FLOT2: variants seen among roughly 807,000 people sequenced by gnomAD.
FLOT2 encodes flotillin 2, also known as flotillin-2.
Under a neutral mutation model 54.9 loss-of-function variants are expected in FLOT2, and 35 were observed. The ratio of observed to expected loss-of-function variants is 0.64; its 90% CI spans 0.49 to 0.84. The LOEUF (loss-of-function observed/expected upper bound fraction) is 0.84, where lower values mean the gene tolerates loss of function less well. Ranked by LOEUF, FLOT2 falls within the 40% of genes least tolerant of loss-of-function variation. The probability of loss-of-function intolerance (pLI) is 0.00; values close to 1 mark genes in which losing one functional copy is unlikely to be tolerated. For synonymous variants in FLOT2, 207 were observed against 228.9 expected (o/e 0.90, Z 0.86); for missense variants, 464 against 572.1 (o/e 0.81, Z 1.93).
chr17:28,884,923 T>G lies in FLOT2; in HGVS notation c.132-608A>C, dbSNP rs1219680803. Among the ~76,000 whole-genome samples the G allele has an allele frequency of 6.6e-6, 1 of 152,180 alleles. No individual in the cohort carries two copies. Among genetic ancestry groups the G allele is most frequent in the East Asian group, 1.9e-4 (1 of 5,196 alleles). Reference sequence around the variant, plus strand: ...TTTGACTTGAAACCCATGTCTGGTATTAGGCCCAGGTGGGTCACATGGGGA... The same window carrying G: ...TTTGACTTGAAACCCATGTCTGGTAGTAGGCCCAGGTGGGTCACATGGGGA... On this transcript the variant is annotated intron_variant, in intron 2 of 10. Transcript: ENST00000394908. This position sits in a 1 kb window ranked among gnomAD's most constrained non-coding sequence, Gnocchi z 5.1.
chr17:28,881,422 C>A (rs754320207), intron 8 of FLOT2, 47 bp from the exon 9 acceptor site: 7 of 1,578,720 alleles, frequency 4.4e-6, no homozygotes, highest in Non-Finnish European at 6.0e-6. Flanking sequence ...TACCAGGGTC[C>A]TCTCAAGCCT....
intron 2 of FLOT2, among the ~76,000 whole-genome samples, chr17:28,886,312 AT>A (rs915936059): frequency 1.3e-5 from 2 of 152,222 alleles, no homozygotes; most frequent in African/African-American, 4.8e-5. Flanking sequence ...TCCTGTCGCA[AT>A]CTGGGAGACT....
chr17:28,882,045 T>A lies in FLOT2; in HGVS notation c.700-17A>T. The A allele has an allele frequency of 2.5e-6, 4 of 1,614,084 alleles. No individual in the cohort carries two copies. Among genetic ancestry groups the A allele is most frequent in the Non-Finnish European group, 3.4e-6 (4 of 1,179,982 alleles). ...CTCAGCTGTCTGTGGCAAGAGGGTG[T>A]GTGGCACATTAGAGGCTGGTCACCA... On this transcript the variant is annotated splice_polypyrimidine_tract_variant and intron_variant, in intron 7 of 10. Coordinates refer to ENST00000394908, the MANE Select transcript of FLOT2 (RefSeq NM_004475.3). This position sits in a 1 kb window ranked among gnomAD's most constrained non-coding sequence, Gnocchi z 5.6.
intron 2 of FLOT2, chr17:28,885,514 G>C: frequency 2.8e-6 from 2 of 705,436 alleles, no homozygotes. Flanking sequence ...ACACATGACA[G>C]AGTAAGCATT....
In FLOT2 at chr17:28,880,980, T is replaced by G. The variant is rs576664805; in HGVS notation, c.1099-118A>C. 10 of 1,340,112 alleles carry G rather than the reference T, an allele frequency of 7.5e-6. No homozygotes were observed. The African/African-American group carries it at 1.4e-4, about 19-fold the overall frequency. 83.0% of individuals were successfully genotyped at this position (1,340,112 alleles called of 1,614,324 possible). On this transcript the variant is annotated intron_variant, in intron 9 of 10. Coordinates refer to ENST00000394908, the MANE Select transcript of FLOT2 (RefSeq NM_004475.3). ...AACCCCAAAGCAGCCTGGGTGGCCC[T>G]TAGTCTCGAGCCATGGTAAGAGACG...
chr17:28,882,745 A>G lies in FLOT2; in HGVS notation c.347-54T>C. The G allele has an allele frequency of 5.8e-6, 7 of 1,204,234 alleles. No individual in the cohort carries two copies. Among genetic ancestry groups the G allele is most frequent in the Non-Finnish European group, 8.6e-6 (7 of 812,112 alleles). The allele number at this position is 1,204,234 out of a possible 1,614,324, so 74.6% of individuals were successfully genotyped here. A position where few individuals can be genotyped will look rare whatever the true frequency, so the allele number is the denominator to read the frequency against. ...CCCCAGGGACCCAGCCAGCTGGGGA[A>G]GGGAGGAGGCATGCATGTAGAGGTA... On this transcript the variant is annotated intron_variant, in intron 4 of 10. Coordinates refer to ENST00000394908, the MANE Select transcript of FLOT2 (RefSeq NM_004475.3). This position sits in a 1 kb window ranked among gnomAD's most constrained non-coding sequence, Gnocchi z 5.6.
intron 1 of FLOT2, among the ~76,000 whole-genome samples, chr17:28,895,394 G>C (rs942247492): frequency 6.6e-6 from 1 of 150,916 alleles, no homozygotes; most frequent in East Asian, 1.9e-4. Flanking sequence ...TTTTTTTTGA[G>C]ATGCTTACAA....
intron 8 of FLOT2, 124 bp from the exon 9 acceptor site, chr17:28,881,499 C>A: frequency 9.5e-7 from 1 of 1,047,184 alleles, no homozygotes; most frequent in East Asian, 2.4e-5. Context: ...GACATTGGAA[C>A]GGAGTGGGGT....
In FLOT2 at chr17:28,880,460, A is replaced by G. The variant is rs926017340; in HGVS notation, c.*101T>C. 129 of 1,541,214 alleles carry G rather than the reference A, an allele frequency of 8.4e-5. No homozygotes were observed. Among genetic ancestry groups the G allele is most frequent in the Non-Finnish European group, 1.1e-4 (124 of 1,143,846 alleles). On this transcript the variant is annotated 3_prime_UTR_variant, in exon 11 of 11. Coordinates refer to ENST00000394908, the MANE Select transcript of FLOT2 (RefSeq NM_004475.3). ...GCAGCACTTCTGGTCCCTTCGAGAT[A>G]AGGCACCAGAGTCAGTAACGTTCCC... is the stretch of plus-strand genomic sequence containing the variant.
At chr17:28,895,992 G>A (rs1309994868) in intron 1 of FLOT2, among the ~76,000 whole-genome samples, 7 of 152,072 alleles carry the variant, frequency 4.6e-5, no homozygotes, top group Admixed American at 4.6e-4. Flanking sequence ...ACACAAGAGG[G>A]AGCTGGATCT....
chr17:28,882,295 G>T lies in FLOT2; in HGVS notation c.579+42C>A. The T allele has an allele frequency of 6.2e-7, 1 of 1,613,914 alleles. No homozygotes were observed. The highest frequency in any genetic ancestry group is 8.5e-7 in the Non-Finnish European group (1 of 1,179,910). On this transcript the variant is annotated intron_variant, in intron 6 of 10. Coordinates refer to ENST00000394908, the MANE Select transcript of FLOT2 (RefSeq NM_004475.3). This position sits in a 1 kb window ranked among gnomAD's most constrained non-coding sequence, Gnocchi z 5.6. ...GTGAGTAGAGGTCCTGAGTCATCATGGTCCCATCACCCCTGAGCTTCCCAT... is the reference window on the plus strand; with the variant it reads ...GTGAGTAGAGGTCCTGAGTCATCATTGTCCCATCACCCCTGAGCTTCCCAT...
intron 9 of FLOT2, 34 bp downstream of exon 9, chr17:28,881,158 T>G (rs1386331205): frequency 1.9e-6 from 3 of 1,594,470 alleles, no homozygotes; most frequent in Admixed American, 1.7e-5. Flanking sequence ...CAAGGACACT[T>G]GAACCCTAGG....
chr17:28,891,627 A>G (rs1349042750), intron 1 of FLOT2, among the ~76,000 whole-genome samples: 1 of 152,198 alleles, frequency 6.6e-6, no homozygotes, highest in Non-Finnish European at 1.5e-5. Context: ...CTAGCAACAT[A>G]TGACTGTTGT....
At position 28,897,512 on chromosome 17, in the gene FLOT2, C is replaced by T. The variant is rs930031230; in HGVS notation, c.49+14G>A. 8.7e-6 allele frequency: 14 copies of T among 1,602,988 alleles called. No homozygotes were observed. Among genetic ancestry groups the T allele is most frequent in the Non-Finnish European group, 1.2e-5 (14 of 1,175,004 alleles). On this transcript the variant is annotated intron_variant, in intron 1 of 10. Transcript: ENST00000394908. This position sits in a 1 kb window ranked among gnomAD's most constrained non-coding sequence, Gnocchi z 4.4. ...CACCCTCCACAGCTCCCACCTTCCTCGCCGCCCCCTCACCTGAAACCACCA... is the reference window on the plus strand; with the variant it reads ...CACCCTCCACAGCTCCCACCTTCCTTGCCGCCCCCTCACCTGAAACCACCA...
rs1482872935 is a variant in FLOT2, at chr17:28,880,408, G to GA, written c.*152dup. On this transcript the variant is annotated 3_prime_UTR_variant, in exon 11 of 11. Coordinates refer to ENST00000394908, the MANE Select transcript of FLOT2 (RefSeq NM_004475.3). ...GGAGGTGGACAGACAGGAGAGACAGGAAGACAGCCAGAGATGGCCTGAACA... is the reference window on the plus strand; with the variant it reads ...GGAGGTGGACAGACAGGAGAGACAGGAAAGACAGCCAGAGATGGCCTGAACA... 1 of 1,496,674 alleles carries GA rather than the reference G, an allele frequency of 6.7e-7. No homozygotes were observed. Among genetic ancestry groups the GA allele is most frequent in the East Asian group, 2.3e-5 (1 of 43,138 alleles). The allele number at this position is 1,496,674 out of a possible 1,614,324, so 92.7% of individuals were successfully genotyped here. A position where few individuals can be genotyped will look rare whatever the true frequency, so the allele number is the denominator to read the frequency against.
chr17:28,881,107 C>A, intron 9 of FLOT2, 85 bp downstream of exon 9: 3 of 1,309,046 alleles, frequency 2.3e-6, no homozygotes, highest in South Asian at 1.3e-5. Flanking sequence ...GTGTTACTCG[C>A]AAGGCCCAGA....
rs2039446386 is a variant in FLOT2 at position 28,881,447 on chromosome 17, C to A, written c.915-72G>T. 7 of 1,443,794 alleles carry A rather than the reference C, an allele frequency of 4.8e-6. No homozygotes were observed. In the Admixed American group the frequency reaches 8.5e-5, roughly 18 times the overall value. The allele number at this position is 1,443,794 out of a possible 1,614,324, so 89.4% of individuals were successfully genotyped here. A position where few individuals can be genotyped will look rare whatever the true frequency, so the allele number is the denominator to read the frequency against. On this transcript the variant is annotated intron_variant, in intron 8 of 10. Coordinates refer to ENST00000394908, the MANE Select transcript of FLOT2 (RefSeq NM_004475.3). ...CTCTCAAGCCTTGCCTGGGGGCCAG[C>A]AAACCTTCAAACCCTCTGCTCTGGG...
chr17:28,895,382 CTTTTT>C (rs967204278), intron 1 of FLOT2, among the ~76,000 whole-genome samples: 2 of 150,500 alleles, frequency 1.3e-5, no homozygotes, highest in African/African-American at 4.9e-5. Flanking sequence ...GAATTATTTC[CTTTTT>C]TTTTGAGATG....
intron 1 of FLOT2, among the ~76,000 whole-genome samples, chr17:28,893,704 A>G (rs1049798989): frequency 5.9e-5 from 9 of 152,248 alleles, no homozygotes; most frequent in African/African-American, 2.2e-4. Context: ...GCCCGAAACC[A>G]GGCCTGGGCC....
Sources: gnomAD v4.1 joint callset for allele counts (sites outside exome capture counted in the v4.1 genomes callset) on GRCh38, gnomAD v4.1.1 for gene constraint, Gnocchi (gnomAD v3.1) non-coding constraint, MANE v1.5 for transcripts, NCBI Gene and HGNC (gene_info 2026-07-23, HGNC 2026-07-21) for gene names.